KAZN: variants seen among roughly 807,000 people sequenced by gnomAD.
KAZN encodes kazrin.
Under a neutral mutation model 87.4 loss-of-function variants are expected in KAZN, and 40 were observed. The observed-to-expected ratio is 0.46, with a 90% CI of 0.36 to 0.60. The LOEUF (loss-of-function observed/expected upper bound fraction) is 0.60, where lower values mean the gene tolerates loss of function less well. Ranked by LOEUF, KAZN falls within the 20% of genes least tolerant of loss-of-function variation. The pLI, the probability that KAZN is intolerant of heterozygous loss-of-function variation, is 0.00. For synonymous variants in KAZN, 466 were observed against 458.3 expected, an observed-to-expected ratio of 1.02 and a Z score of -0.22; for missense variants, 898 against 1,073.9, an observed-to-expected ratio of 0.84 and a Z score of 2.29.
At chr1:14,335,015 A>C (rs1175453164) in intron 2 of KAZN, among the ~76,000 whole-genome samples, 1 of 151,938 alleles carries the variant, frequency 6.6e-6, no homozygotes. Flanking sequence ...TGTCCCTCTG[A>C]GTCTCATGTT....
At chr1:14,381,095 A>G (rs1661327022) in intron 2 of KAZN, among the ~76,000 whole-genome samples, 1 of 152,190 alleles carries the variant, frequency 6.6e-6, no homozygotes, top group South Asian at 2.1e-4. Flanking sequence ...GAGTATTGCC[A>G]AGCCACCACT....
intron 2 of KAZN, among the ~76,000 whole-genome samples, chr1:14,254,152 T>G (rs545032220): frequency 6.6e-6 from 1 of 152,354 alleles, no homozygotes; most frequent in South Asian, 2.1e-4. Context: ...GGAAGTTTTA[T>G]TCTCATACCC....
At chr1:14,553,692 G>T (rs1673688199) in intron 2 of KAZN, among the ~76,000 whole-genome samples, 1 of 152,166 alleles carries the variant, frequency 6.6e-6, no homozygotes, top group African/African-American at 2.4e-5. Flanking sequence ...GGGCTCCCAG[G>T]TGCCATGGCT....
intron 2 of KAZN, among the ~76,000 whole-genome samples, chr1:15,013,745 C>A (rs1318248087): frequency 1.3e-5 from 2 of 150,354 alleles, no homozygotes; most frequent in Non-Finnish European, 3.0e-5. Flanking sequence ...AAGAGCAAGA[C>A]TCCATCTCAA....
Position 14,552,384 on chromosome 1 carries a change from A to T in KAZN, c.250-46599A>T, listed in dbSNP as rs1338635923. Among the ~76,000 whole-genome samples the T allele has an allele frequency of 2.6e-5, 4 of 152,332 alleles. No individual in the cohort carries two copies. In the East Asian group the frequency reaches 7.7e-4, roughly 29 times the overall value. ...GGGAGCCGCCTGCAGGGAGGAGGGC[A>T]GCTGCCTCCCAGGCCCAGATCCCCA... On this transcript the variant is annotated intron_variant, in intron 2 of 16. Coordinates refer to the KAZN transcript ENST00000636203.
intron 2 of KAZN, among the ~76,000 whole-genome samples, chr1:14,972,957 G>A (rs752679107): frequency 8.6e-5 from 13 of 151,994 alleles, no homozygotes; most frequent in Middle Eastern, 3.4e-3. Flanking sequence ...AAAACGTATC[G>A]AGCACCTCCG....
intron 1 of KAZN, among the ~76,000 whole-genome samples, chr1:14,729,430 C>T (rs1643573788): frequency 1.3e-5 from 2 of 152,188 alleles, no homozygotes; most frequent in South Asian, 4.2e-4. Context: ...TAATTGGTTC[C>T]ATTCGATGCT....
intron 1 of KAZN, among the ~76,000 whole-genome samples, chr1:13,976,690 C>T (rs1638375697): frequency 6.6e-6 from 1 of 152,018 alleles, no homozygotes. Context: ...ATGACTCACG[C>T]TATTACAGTC....
At chr1:14,984,978 A>G (rs1666627706) in intron 2 of KAZN, among the ~76,000 whole-genome samples, 3 of 152,002 alleles carry the variant, frequency 2.0e-5, no homozygotes, top group Admixed American at 2.0e-4. Flanking sequence ...TCTACTACAA[A>G]TACAAAAATT....
intron 1 of KAZN, among the ~76,000 whole-genome samples, chr1:14,052,572 T>C (rs1642385234): frequency 6.7e-6 from 1 of 149,690 alleles, no homozygotes; most frequent in African/African-American, 2.5e-5. Context: ...GACAGGAAGA[T>C]GATGTGTTTG....
intron 2 of KAZN, among the ~76,000 whole-genome samples, chr1:14,969,483 C>G (rs1282581922): frequency 1.3e-5 from 2 of 152,264 alleles, no homozygotes; most frequent in East Asian, 1.9e-4. Context: ...TCCCACAGCC[C>G]TGACGTAGAA....
chr1:14,116,250 C>T (rs1041656541), intron 1 of KAZN, among the ~76,000 whole-genome samples: 28 of 152,290 alleles, frequency 1.8e-4, no homozygotes, highest in South Asian at 1.2e-3. Flanking sequence ...GTCTTCAAGG[C>T]AGTCTCTCCC....
At chr1:14,517,615 CG>C (rs1417773032) in intron 2 of KAZN, among the ~76,000 whole-genome samples, 2 of 152,206 alleles carry the variant, frequency 1.3e-5, no homozygotes, top group African/African-American at 4.8e-5. Flanking sequence ...GACAACAAGT[CG>C]GGCTACAATC....
intron 1 of KAZN, among the ~76,000 whole-genome samples, chr1:14,817,176 T>C (rs1456479738): frequency 6.6e-6 from 1 of 152,170 alleles, no homozygotes; most frequent in African/African-American, 2.4e-5. Context: ...ATCCAGTACT[T>C]TCTCTAGGAA....
intron 2 of KAZN, among the ~76,000 whole-genome samples, chr1:14,202,849 T>C (rs1252032712): frequency 2.0e-5 from 3 of 152,142 alleles, no homozygotes; most frequent in Admixed American, 2.0e-4. Context: ...AAATCCCGTC[T>C]CTACTAAACA....
At chr1:14,909,146 T>A (rs1328037489) in intron 1 of KAZN, among the ~76,000 whole-genome samples, 1 of 152,212 alleles carries the variant, frequency 6.6e-6, no homozygotes, top group East Asian at 1.9e-4. Flanking sequence ...ACAGTAATAG[T>A]ATATACTTTC....
Position 14,514,564 on chromosome 1 carries a change from T to C in KAZN, c.250-84419T>C, listed in dbSNP as rs1467077015. ...TATATATAATATATGAAATATATAT[T>C]TTCTATATATTTTATATATTTTTTT... On this transcript the variant is annotated intron_variant, in intron 2 of 16. Transcript: ENST00000636203. 1.6e-3 allele frequency among the ~76,000 whole-genome samples: 183 copies of C among 113,370 alleles called. 1 individual carries two copies. The highest frequency in any genetic ancestry group is 5.4e-3 in the East Asian group (20 of 3,678). 74.4% of individuals were successfully genotyped at this position (113,370 alleles called of 152,430 possible).
At chr1:14,483,017 G>C (rs971592870) in intron 2 of KAZN, among the ~76,000 whole-genome samples, 3 of 152,110 alleles carry the variant, frequency 2.0e-5, no homozygotes, top group Non-Finnish European at 4.4e-5. Flanking sequence ...AGACTTAAAT[G>C]AATGAATATA....
chr1:14,834,066 C>T (rs958328655), intron 1 of KAZN, among the ~76,000 whole-genome samples: 14 of 152,198 alleles, frequency 9.2e-5, no homozygotes, highest in African/African-American at 3.1e-4. Context: ...GATGGAGTCT[C>T]ACTCTGTCAC....
Sources: allele counts gnomAD v4.1 joint callset (sites outside exome capture counted in the v4.1 genomes callset), GRCh38; gene constraint gnomAD v4.1.1; transcripts MANE v1.5; gene names NCBI Gene and HGNC (gene_info 2026-07-23, HGNC 2026-07-21).